The following TMEM108 variants were observed in gnomAD, a reference collection of about 807,000 sequenced individuals.
The protein encoded by TMEM108 is transmembrane protein 108.
A neutral mutation model predicts 35.1 loss-of-function variants in TMEM108; 12 were observed. That is an observed-to-expected ratio of 0.34 (90% confidence interval 0.22 to 0.55). The LOEUF (loss-of-function observed/expected upper bound fraction) is 0.55, where lower values mean the gene tolerates loss of function less well. Among genes scored for constraint, TMEM108 ranks in the 20% least tolerant of loss-of-function variants. The pLI, the probability that TMEM108 is intolerant of heterozygous loss-of-function variation, is 0.89. For synonymous variants in TMEM108, 287 were observed against 308.6 expected (o/e 0.93, Z 0.73); for missense variants, 680 against 753.3 (o/e 0.90, Z 1.14).
intron 3 of TMEM108, among the ~76,000 whole-genome samples, chr3:133,230,409 G>A (rs1279098804): frequency 3.3e-5 from 5 of 152,132 alleles, no homozygotes; most frequent in Non-Finnish European, 2.9e-5. Context: ...TCAGCCTGGT[G>A]GAAAGTCGCC....
intron 3 of TMEM108, among the ~76,000 whole-genome samples, chr3:133,353,282 AC>A (rs2072062464): frequency 6.6e-6 from 1 of 152,188 alleles, no homozygotes; most frequent in Non-Finnish European, 1.5e-5. Context: ...ACACATTCCA[AC>A]CTCCATGAAG....
intron 2 of TMEM108, among the ~76,000 whole-genome samples, chr3:133,203,889 C>T (rs573725810): frequency 6.6e-6 from 1 of 152,110 alleles, no homozygotes; most frequent in African/African-American, 2.4e-5. Context: ...TTTCTTTATA[C>T]CTCTGGTAAA....
intron 3 of TMEM108, among the ~76,000 whole-genome samples, chr3:133,267,924 T>C (rs1453539817): frequency 6.6e-6 from 1 of 152,150 alleles, no homozygotes; most frequent in Admixed American, 6.5e-5. Flanking sequence ...TCACACAGAA[T>C]CCTAGAGGTT....
intron 2 of TMEM108, among the ~76,000 whole-genome samples, chr3:133,181,221 T>A (rs1183126657): frequency 6.6e-6 from 1 of 152,068 alleles, no homozygotes; most frequent in African/African-American, 2.4e-5. Context: ...AGTAAAAGTA[T>A]AGAGGAGGCT....
intron 3 of TMEM108, among the ~76,000 whole-genome samples, chr3:133,311,054 A>C (rs530734500): frequency 1.3e-5 from 2 of 152,168 alleles, no homozygotes. Flanking sequence ...ATTGACCCCC[A>C]CTCTCTTCTG....
At chr3:133,053,486 C>T (rs1029649663) in intron 2 of TMEM108, among the ~76,000 whole-genome samples, 3 of 152,218 alleles carry the variant, frequency 2.0e-5, no homozygotes, top group Admixed American at 6.5e-5. Flanking sequence ...AAGGAGAACA[C>T]TTTTAGACAT....
intron 3 of TMEM108, among the ~76,000 whole-genome samples, chr3:133,317,522 A>C (rs2071214511): frequency 6.6e-6 from 1 of 152,260 alleles, no homozygotes; most frequent in Admixed American, 6.5e-5. Flanking sequence ...GACTGGAAAC[A>C]GAACTTAAAT....
In TMEM108 at chr3:133,260,303, AAT is replaced by A. The variant is rs537933506; in HGVS notation, c.40+30953_40+30954del. On this transcript the variant is annotated intron_variant, in intron 3 of 5. Transcript: ENST00000321871. ...AGACAATAGTAAAAAAAAAAAAAAA[AAT>A]TTATTATCAGCATGAGATCCCTACT... 6.3e-3 allele frequency among the ~76,000 whole-genome samples: 695 copies of A among 109,464 alleles called. 9 individuals are homozygous for A. The highest frequency in any genetic ancestry group is 0.02 in the African/African-American group (636 of 31,722). 71.8% of individuals were successfully genotyped at this position (109,464 alleles called of 152,430 possible).
At chr3:133,155,025 T>C (rs1229699573) in intron 2 of TMEM108, among the ~76,000 whole-genome samples, 1 of 152,032 alleles carries the variant, frequency 6.6e-6, no homozygotes, top group African/African-American at 2.4e-5. Context: ...TCCTCTCAAG[T>C]AGTCCCCAGT....
At chr3:133,215,743 T>C (rs903429225) in intron 2 of TMEM108, among the ~76,000 whole-genome samples, 1 of 152,188 alleles carries the variant, frequency 6.6e-6, no homozygotes, top group Admixed American at 6.5e-5. Context: ...TACTCACAAA[T>C]AATAGTAGAA....
At chr3:133,044,069 G>T (rs1443069427) in intron 1 of TMEM108, among the ~76,000 whole-genome samples, 1 of 152,196 alleles carries the variant, frequency 6.6e-6, no homozygotes, top group Non-Finnish European at 1.5e-5. Context: ...GAATTCACCT[G>T]CTGGCATCTT....
intron 2 of TMEM108, among the ~76,000 whole-genome samples, chr3:133,187,324 A>G (rs1945434955): frequency 6.6e-6 from 1 of 152,162 alleles, no homozygotes; most frequent in Non-Finnish European, 1.5e-5. Flanking sequence ...TCCACTACCA[A>G]CTTCAGTGTT....
chr3:133,201,143 CA>C (rs971871905), intron 2 of TMEM108, among the ~76,000 whole-genome samples: 10 of 152,124 alleles, frequency 6.6e-5, no homozygotes, highest in Non-Finnish European at 1.3e-4. Context: ...TTTTAATTTA[CA>C]AAGCCTGTAT....
At chr3:133,236,206 T>C (rs1457179314) in intron 3 of TMEM108, among the ~76,000 whole-genome samples, 3 of 152,156 alleles carry the variant, frequency 2.0e-5, no homozygotes, top group Non-Finnish European at 4.4e-5. Flanking sequence ...ATTGTTACTC[T>C]AGTACACCCT....
At chr3:133,117,761 G>A (rs1439316934) in intron 2 of TMEM108, among the ~76,000 whole-genome samples, 3 of 152,088 alleles carry the variant, frequency 2.0e-5, no homozygotes, top group African/African-American at 7.2e-5. Flanking sequence ...GGTTTGATTG[G>A]GTGCACCGGG....
chr3:133,144,160 C>A (rs1342269606), intron 2 of TMEM108, among the ~76,000 whole-genome samples: 1 of 151,930 alleles, frequency 6.6e-6, no homozygotes, highest in Non-Finnish European at 1.5e-5. Context: ...GTGTGATGTT[C>A]CCCTCCCTGT....
chr3:133,216,882 G>A (rs1282832509), intron 2 of TMEM108, among the ~76,000 whole-genome samples: 3 of 151,996 alleles, frequency 2.0e-5, no homozygotes, highest in African/African-American at 7.2e-5. Context: ...TGTGAATATT[G>A]CTACAGTGAA....
chr3:133,123,701 A>G (rs1944381310), intron 2 of TMEM108, among the ~76,000 whole-genome samples: 1 of 152,246 alleles, frequency 6.6e-6, no homozygotes, highest in African/African-American at 2.4e-5. Flanking sequence ...GCCTCTTTTT[A>G]GAAGAAATTC....
intron 4 of TMEM108, chr3:133,389,040 G>A (rs939063787): frequency 1.0e-6 from 1 of 985,346 alleles, no homozygotes; most frequent in African/African-American, 1.7e-5. Context: ...CAGAGGCTCT[G>A]GTGATGATGA....
Sources: gnomAD v4.1 joint callset for allele counts (sites outside exome capture counted in the v4.1 genomes callset) on GRCh38, gnomAD v4.1.1 for gene constraint, MANE v1.5 for transcripts, NCBI Gene and HGNC (gene_info 2026-07-23, HGNC 2026-07-21) for gene names.